Variants in ANKFN1 observed in about 807,000 individuals in gnomAD.
ANKFN1 encodes the protein ankyrin repeat and fibronectin type-III domain-containing protein 1.
Under a neutral mutation model 108.7 loss-of-function variants are expected in ANKFN1, and 74 were observed. The observed-to-expected ratio is 0.68, with a 90% CI of 0.56 to 0.83. ANKFN1 has a LOEUF of 0.83. Among genes scored for constraint, ANKFN1 ranks in the 40% least tolerant of loss-of-function variants. The probability of loss-of-function intolerance (pLI) is 0.00; values close to 1 mark genes in which losing one functional copy is unlikely to be tolerated. For missense variants in ANKFN1, 1,505 were observed against 1,382.3 expected (o/e 1.09, Z -1.41); for synonymous variants, 547 against 516.2 (o/e 1.06, Z -0.81).
chr17:56,111,188 A>AG (rs918214933), intron 4 of ANKFN1: 1 of 152,410 alleles, frequency 6.6e-6, no homozygotes, highest in African/African-American at 2.4e-5. Flanking sequence ...TTTAACCTGG[A>AG]GGGAATCCAA....
chr17:56,094,097 A>T (rs1202645112), intron 4 of ANKFN1, among the ~76,000 whole-genome samples: 1 of 151,224 alleles, frequency 6.6e-6, no homozygotes, highest in Admixed American at 6.6e-5. Context: ...ATGCATCTAC[A>T]TCCCAAGAAA....
At chr17:56,453,893 CT>C (rs2049584182) in intron 11 of ANKFN1, among the ~76,000 whole-genome samples, 1 of 151,674 alleles carries the variant, frequency 6.6e-6, no homozygotes, top group East Asian at 1.9e-4. Context: ...TATATGAAAC[CT>C]TTTTTTCCCC....
At chr17:56,239,195 T>TAGAAA (rs1189611019) in intron 3 of ANKFN1, among the ~76,000 whole-genome samples, 1 of 151,970 alleles carries the variant, frequency 6.6e-6, no homozygotes, top group Non-Finnish European at 1.5e-5. Flanking sequence ...AATCCACAAA[T>TAGAAA]AGAAAAAAAT....
chr17:56,399,013 C>A (rs1323628966), intron 8 of ANKFN1, among the ~76,000 whole-genome samples: 1 of 151,998 alleles, frequency 6.6e-6, no homozygotes, highest in African/African-American at 2.4e-5. Context: ...TAAGTAGCTC[C>A]AAATACAGAA....
intron 4 of ANKFN1, among the ~76,000 whole-genome samples, chr17:56,342,207 T>C (rs2045976770): frequency 6.7e-6 from 1 of 148,980 alleles, no homozygotes; most frequent in South Asian, 2.1e-4. Context: ...TCTTCTTTAT[T>C]ATTCTAGCTA....
intron 8 of ANKFN1, among the ~76,000 whole-genome samples, chr17:56,383,993 C>G (rs1209461024): frequency 6.6e-6 from 1 of 152,164 alleles, no homozygotes; most frequent in African/African-American, 2.4e-5. Flanking sequence ...CCAGCATCAT[C>G]CTGATACCAA....
At chr17:56,208,623 T>C (rs1191507619) in intron 1 of ANKFN1, among the ~76,000 whole-genome samples, 2 of 152,200 alleles carry the variant, frequency 1.3e-5, no homozygotes, top group Non-Finnish European at 2.9e-5. Flanking sequence ...ACTGCTATAA[T>C]AGCTGTGTCA....
intron 3 of ANKFN1, among the ~76,000 whole-genome samples, chr17:56,325,585 G>A (rs1452416115): frequency 6.6e-6 from 1 of 152,174 alleles, no homozygotes; most frequent in African/African-American, 2.4e-5. Flanking sequence ...TACTTTCTCA[G>A]AACCCGCTCA....
At position 56,185,643 on chromosome 17, in the gene ANKFN1, C is replaced by G. The variant is rs533557403; in HGVS notation, c.-70-26955C>G. Among the ~76,000 whole-genome samples, 9 of 152,242 alleles carry G rather than the reference C, an allele frequency of 5.9e-5. No individual in the cohort carries two copies. In the South Asian group the frequency reaches 1.9e-3, roughly 32 times the overall value. Reference sequence around the variant, plus strand: ...GGCAAAGCAAACTGCTCCCTCCCACCACAGAGTTAAAAACAATGTCCAGCC... The same window carrying G: ...GGCAAAGCAAACTGCTCCCTCCCACGACAGAGTTAAAAACAATGTCCAGCC... On this transcript the variant is annotated intron_variant, in intron 1 of 20. Transcript: ENST00000682825.
chr17:56,098,566 G>A (rs778178555), intron 4 of ANKFN1, among the ~76,000 whole-genome samples: 9 of 152,030 alleles, frequency 5.9e-5, no homozygotes, highest in Non-Finnish European at 7.4e-5. Flanking sequence ...ACTCTATCAC[G>A]TAAGCTCCAT....
At chr17:56,101,213 T>C (rs1204702269) in intron 4 of ANKFN1, among the ~76,000 whole-genome samples, 1 of 152,212 alleles carries the variant, frequency 6.6e-6, no homozygotes, top group East Asian at 1.9e-4. Flanking sequence ...TTAACACTGG[T>C]TAATCCACCA....
intron 3 of ANKFN1, among the ~76,000 whole-genome samples, chr17:56,276,539 C>T (rs1311929842): frequency 6.6e-6 from 1 of 152,134 alleles, no homozygotes; most frequent in East Asian, 1.9e-4. Context: ...TTAATGATCG[C>T]CATTCTAACT....
chr17:56,057,838 T>C (rs1055057980), intron 4 of ANKFN1, among the ~76,000 whole-genome samples: 5 of 151,686 alleles, frequency 3.3e-5, no homozygotes, highest in African/African-American at 1.2e-4. Context: ...GCAGAATGGG[T>C]GTTATGTTAG....
chr17:56,384,605 C>T (rs1487370368), intron 8 of ANKFN1, among the ~76,000 whole-genome samples: 1 of 148,178 alleles, frequency 6.7e-6, no homozygotes, highest in Non-Finnish European at 1.5e-5. Context: ...AATCTCAGGG[C>T]TGCAACTTCA....
chr17:56,477,633 G>A lies in ANKFN1; in HGVS notation c.1919G>A (p.Arg640His), dbSNP rs766639016. The change falls in exon 16 of 21, where the codon CGT becomes CAT. Residue 640 changes from arginine (R) to histidine (H), a missense_variant. By Grantham distance (29) the Arg-to-His change is conservative (BLOSUM62 0). Coordinates refer to ENST00000682825, the MANE Select transcript of ANKFN1 (RefSeq NM_001370326.1). ...LPNILCHVKI[R>H]ENNNISREEW... is the part of the protein sequence containing the mutation. ...AACATTCTCTGCCACGTGAAGATCC[G>A]TGAAAACAATAATATTTCTAGGTAA... 7.6e-5 allele frequency: 123 copies of A among 1,612,518 alleles called. No homozygotes were observed. Among genetic ancestry groups the A allele is most frequent in the Non-Finnish European group, 1.0e-4 (121 of 1,179,560 alleles).
intron 4 of ANKFN1, among the ~76,000 whole-genome samples, chr17:56,062,407 G>A (rs1298859938): frequency 6.6e-6 from 1 of 152,094 alleles, no homozygotes; most frequent in African/African-American, 2.4e-5. Context: ...TTATGACTCT[G>A]GGTGCTCCTG....
intron 8 of ANKFN1, among the ~76,000 whole-genome samples, chr17:56,377,947 C>T (rs1362612558): frequency 3.9e-5 from 6 of 152,140 alleles, no homozygotes; most frequent in South Asian, 2.1e-4. Context: ...GTGCAGTACC[C>T]GGGTTCTGGG....
chr17:56,302,323 G>A (rs2044692574), intron 3 of ANKFN1, among the ~76,000 whole-genome samples: 1 of 152,090 alleles, frequency 6.6e-6, no homozygotes, highest in South Asian at 2.1e-4. Context: ...CCAGGAGTTT[G>A]AGACCAGTCT....
chr17:56,188,196 A>G (rs1448223920), intron 1 of ANKFN1, among the ~76,000 whole-genome samples: 1 of 152,166 alleles, frequency 6.6e-6, no homozygotes, highest in Non-Finnish European at 1.5e-5. Flanking sequence ...TTCTATCTAT[A>G]TTAATGAGGA....
Sources: gnomAD v4.1 joint callset for allele counts (sites outside exome capture counted in the v4.1 genomes callset) on GRCh38, gnomAD v4.1.1 for gene constraint, MANE v1.5 for transcripts, NCBI Gene and HGNC (gene_info 2026-07-23, HGNC 2026-07-21) for gene names.